Variants in MCM4 observed in about 807,000 individuals in gnomAD.
MCM4 encodes minichromosome maintenance complex component 4.
In MCM4, 60 loss-of-function variants were observed where a neutral mutation model predicts 88.7. The observed-to-expected ratio is 0.68, with a 90% CI of 0.55 to 0.84. The LOEUF (loss-of-function observed/expected upper bound fraction) is 0.84. Ranked by LOEUF, MCM4 falls within the 40% of genes least tolerant of loss-of-function variation. The pLI is 0.00. For synonymous variants in MCM4, 465 were observed against 410.5 expected, an observed-to-expected ratio of 1.13 and a Z score of -1.61; for missense variants, 1,149 against 1,105.5, an observed-to-expected ratio of 1.04 and a Z score of -0.56.
intron 7 of MCM4, 130 bp from the exon 8 acceptor site, chr8:47,964,444 C>T (rs530238909): frequency 1.7e-6 from 1 of 589,508 alleles, no homozygotes; most frequent in Non-Finnish European, 2.8e-6. Flanking sequence ...ACAGCACGTG[C>T]ATGATTCTGT....
At position 47,970,538 on chromosome 8, in the gene MCM4, A is replaced by G; in HGVS notation, c.1462A>G (p.Thr488Ala). Residue 488 changes from threonine to alanine, a missense_variant, in exon 12 of 17, where the codon ACA becomes GCA. Physicochemically the swap from Thr to Ala is moderately conservative, Grantham distance 58 (BLOSUM62 0). Around this residue, in one of 3 missense-constraint regions of MCM4, gnomAD observed 906 missense variants for 843.0 expected, o/e 1.07. Coordinates refer to ENST00000649973, the MANE Select transcript of MCM4 (RefSeq NM_182746.3). ...AATTTTGCTTCAGCTCTTTGGCGGG[A>G]CAAGGAAGGATTTTAGTCACACTGG... ...KGILLQLFGG[T>A]RKDFSHTGRG... is the part of the protein sequence containing the mutation. 1 of 1,604,914 alleles carries G rather than the reference A, an allele frequency of 6.2e-7. No individual in the cohort carries two copies. The highest frequency in any genetic ancestry group is 8.5e-7 in the Non-Finnish European group (1 of 1,172,650).
At chr8:47,976,299 A>AG (rs2090999898) in intron 16 of MCM4, among the ~76,000 whole-genome samples, 4 of 152,060 alleles carry the variant, frequency 2.6e-5, no homozygotes, top group Admixed American at 2.6e-4. Flanking sequence ...TCTCAAAAAA[A>AG]AAAAAAAAGA....
At chr8:47,972,736 T>A in intron 13 of MCM4, 121 bp from the exon 14 acceptor site, 1 of 680,212 alleles carries the variant, frequency 1.5e-6, no homozygotes, top group South Asian at 1.8e-5. Context: ...GTTGCATTTT[T>A]AGTAGAGACA....
rs369384198 is a variant in MCM4 at position 47,961,902 on chromosome 8, A to G, written c.236-151A>G. The G allele has an allele frequency of 4.5e-6, 4 of 896,042 alleles. No individual in the cohort carries two copies. The African/African-American group carries it at 5.1e-5, about 11-fold the overall frequency. The allele number at this position is 896,042 out of a possible 1,614,324, so 55.5% of individuals were successfully genotyped here. On this transcript the variant is annotated intron_variant, in intron 3 of 16. Coordinates refer to ENST00000649973, the MANE Select transcript of MCM4 (RefSeq NM_182746.3). ...AGCTTCTCTGGTGCTTTTTTTTAAT[A>G]GAACATTTAAGAGTGCTCAGAATCT...
At chr8:47,974,582 T>C in intron 14 of MCM4, 152 bp from the exon 15 acceptor site, 1 of 671,242 alleles carries the variant, frequency 1.5e-6, no homozygotes, top group Non-Finnish European at 2.7e-6. Flanking sequence ...GGTCTGTCTG[T>C]GTAGTCTCTA....
Position 47,964,659 on chromosome 8 carries a change from T to C in MCM4, c.779T>C (p.Val260Ala). The C allele has an allele frequency of 6.2e-7, 1 of 1,606,180 alleles. No homozygotes were observed. Among genetic ancestry groups the C allele is most frequent in the Non-Finnish European group, 8.5e-7 (1 of 1,177,748 alleles). ...PDSILEHQIQ[V>A]RPFNALKTKN... is the part of the protein sequence containing the mutation. ...TCAATCTTAGAACATCAGATTCAAG[T>C]AAGACCATTCAACGCATTGAAGACT... is the stretch of plus-strand genomic sequence containing the variant. The change falls in exon 8 of 17, where the codon GTA becomes GCA. Residue 260 changes from valine to alanine, a missense_variant. Val to Ala is a moderately conservative substitution (Grantham distance 64). Around this residue, in one of 3 missense-constraint regions of MCM4, gnomAD observed 906 missense variants for 843.0 expected, o/e 1.07. Transcript: ENST00000649973.
intron 10 of MCM4, among the ~76,000 whole-genome samples, chr8:47,968,505 A>C (rs2090921550): frequency 6.6e-6 from 1 of 152,182 alleles, no homozygotes; most frequent in Non-Finnish European, 1.5e-5. Context: ...GTGATGATAC[A>C]TGTGTGAGAG....
chr8:47,964,222 T>C (rs922711868), intron 7 of MCM4, among the ~76,000 whole-genome samples: 2 of 152,148 alleles, frequency 1.3e-5, no homozygotes, highest in Non-Finnish European at 2.9e-5. Flanking sequence ...AAACTCTGCC[T>C]CAAAAATTAA....
Position 47,975,605 on chromosome 8 carries a change from CCT to C in MCM4, c.2366-109_2366-108del, listed in dbSNP as rs1249108968. On this transcript the variant is annotated intron_variant, in intron 15 of 16. Coordinates refer to ENST00000649973, the MANE Select transcript of MCM4 (RefSeq NM_182746.3). ...TCATTCCCTTCAAATGTACTCAGCC[CCT>C]GTCGCCTTATCTTTCTAGGTGATAC... 1.7e-5 allele frequency: 12 copies of C among 717,368 alleles called. No homozygotes were observed. In the East Asian group the frequency reaches 3.2e-4, roughly 19 times the overall value. 44.4% of individuals were successfully genotyped at this position (717,368 alleles called of 1,614,324 possible).
At chr8:47,964,437 G>C in intron 7 of MCM4, 137 bp from the exon 8 acceptor site, 1 of 551,582 alleles carries the variant, frequency 1.8e-6, no homozygotes, top group South Asian at 3.1e-5. Context: ...TTTGAAAACA[G>C]CACGTGCATG....
At position 47,962,156 on chromosome 8, in the gene MCM4, A is replaced by G. The variant is rs1182435204; in HGVS notation, c.339A>G (p.Arg113=). The change falls in exon 4 of 17, where the codon AGA becomes AGG. Residue 113 remains arginine, a synonymous_variant. Transcript: ENST00000649973. ...PRSGVRGTPV[R]QRPDLGSAQK... ...GTGGTGTTAGGGGCACACCTGTGAG[A>G]CAGAGGCCTGACCTGGGCTCTGCAC... is the stretch of plus-strand genomic sequence containing the variant. 6.2e-7 allele frequency: 1 copy of G among 1,614,154 alleles called. No homozygotes were observed. The highest frequency in any genetic ancestry group is 1.7e-5 in the Admixed American group (1 of 60,020).
At chr8:47,975,958 A>G (rs1169520548) in intron 16 of MCM4, 110 bp downstream of exon 16, 2 of 831,674 alleles carry the variant, frequency 2.4e-6, no homozygotes, top group African/African-American at 1.8e-5. Context: ...AGAAGAATGA[A>G]GAAAAGGAAG....
intron 9 of MCM4, among the ~76,000 whole-genome samples, chr8:47,966,673 G>A (rs913271710): frequency 1.3e-5 from 2 of 152,194 alleles, no homozygotes; most frequent in Non-Finnish European, 2.9e-5. Flanking sequence ...TGCTTCAAAC[G>A]TTTGAGATGA....
intron 2 of MCM4, 82 bp downstream of exon 2, chr8:47,961,296 G>T: frequency 7.0e-7 from 1 of 1,427,722 alleles, no homozygotes; most frequent in Non-Finnish European, 9.1e-7. Context: ...CGCTGGGTGG[G>T]TGCGCGGGAC....
chr8:47,964,716 A>T lies in MCM4; in HGVS notation c.832+4A>T. 6.5e-7 allele frequency: 1 copy of T among 1,542,080 alleles called. No individual in the cohort carries two copies. Among genetic ancestry groups the T allele is most frequent in the Non-Finnish European group, 8.7e-7 (1 of 1,149,248 alleles). ...ATGAGAAACCTGAATCCAGAAGGTA[A>T]TGTATTTTTCATAGGATTACTTTTG... is the stretch of plus-strand genomic sequence containing the variant. On this transcript the variant is annotated splice_donor_region_variant and intron_variant, in intron 8 of 16. Transcript: ENST00000649973.
At chr8:47,971,545 G>A in intron 13 of MCM4, 77 bp downstream of exon 13, 2 of 1,465,056 alleles carry the variant, frequency 1.4e-6, no homozygotes, top group Non-Finnish European at 1.9e-6. Flanking sequence ...TAAGATTTCA[G>A]CAACTGCTAA....
intron 14 of MCM4, 102 bp from the exon 15 acceptor site, chr8:47,974,632 T>C: frequency 2.3e-6 from 2 of 867,214 alleles, no homozygotes; most frequent in Non-Finnish European, 3.8e-6. Context: ...ATATCTGAGT[T>C]CCGTTTACTT....
chr8:47,971,253 T>C, intron 12 of MCM4, 88 bp from the exon 13 acceptor site: 1 of 1,497,546 alleles, frequency 6.7e-7, no homozygotes, highest in Admixed American at 1.8e-5. Flanking sequence ...GGAGGGAATA[T>C]GGGTTTAGTA....
Position 47,975,858 on chromosome 8 carries a change from T to G in MCM4, c.2499+10T>G, listed in dbSNP as rs768298030. 26 of 1,496,464 alleles carry G rather than the reference T, an allele frequency of 1.7e-5. No individual in the cohort carries two copies. In the East Asian group the frequency reaches 6.5e-4, roughly 38 times the overall value. The allele number at this position is 1,496,464 out of a possible 1,614,324, so 92.7% of individuals were successfully genotyped here. A position where few individuals can be genotyped will look rare whatever the true frequency, so the allele number is the denominator to read the frequency against. On this transcript the variant is annotated intron_variant, in intron 16 of 16. Coordinates refer to ENST00000649973, the MANE Select transcript of MCM4 (RefSeq NM_182746.3). ...GGGACAATCTGACATAGTAAGTGTTTATATGTATTTTTTGTTTGATAGAGC... is the reference window on the plus strand; with the variant it reads ...GGGACAATCTGACATAGTAAGTGTTGATATGTATTTTTTGTTTGATAGAGC...
Sources: gnomAD v4.1 joint callset for allele counts (sites outside exome capture counted in the v4.1 genomes callset) on GRCh38, gnomAD v4.1.1 for gene constraint, gnomAD v4.1.1 regional missense constraint, MANE v1.5 for transcripts, NCBI Gene and HGNC (gene_info 2026-07-23, HGNC 2026-07-21) for gene names.